Variants in SACM1L observed in about 807,000 individuals in gnomAD.
SACM1L encodes phosphatidylinositol-3-phosphatase SAC1.
A neutral mutation model predicts 89.5 loss-of-function variants in SACM1L; 32 were observed. That is an observed-to-expected ratio of 0.36 (90% CI 0.27 to 0.48). The LOEUF (loss-of-function observed/expected upper bound fraction) is 0.48. Among genes scored for constraint, SACM1L ranks in the 20% least tolerant of loss-of-function variants. The pLI, the probability that SACM1L is intolerant of heterozygous loss-of-function variation, is 0.99. For missense variants in SACM1L, 543 were observed against 708.5 expected (o/e 0.77, Z 2.65); for synonymous variants, 213 against 232.8 (o/e 0.92, Z 0.77).
chr3:45,736,349 GAA>G (rs1403687063), intron 14 of SACM1L, among the ~76,000 whole-genome samples: 1 of 152,170 alleles, frequency 6.6e-6, no homozygotes, highest in Non-Finnish European at 1.5e-5. Context: ...TATTTGGAAT[GAA>G]AAAGATGTAG....
chr3:45,723,640 T>G (rs73058498), intron 11 of SACM1L, 97 bp downstream of exon 11: 31,657 of 423,588 alleles, frequency 0.075, 1,397 homozygotes, highest in Non-Finnish European at 0.095. Flanking sequence ...TACAGTTCAG[T>G]GGCATTAAGT....
chr3:45,694,056 A>T (rs542683323), intron 1 of SACM1L, among the ~76,000 whole-genome samples: 3 of 152,202 alleles, frequency 2.0e-5, no homozygotes, highest in Non-Finnish European at 2.9e-5. Context: ...AATGACATCA[A>T]ATGTGGTTTG....
rs1032344872 is a variant in SACM1L, at chr3:45,738,882, C to T, written c.1569+9C>T. 3.2e-6 allele frequency: 5 copies of T among 1,559,380 alleles called. No homozygotes were observed. The highest frequency in any genetic ancestry group is 4.4e-6 in the Non-Finnish European group (5 of 1,136,358). On this transcript the variant is annotated intron_variant, in intron 18 of 19. Coordinates refer to ENST00000389061, the MANE Select transcript of SACM1L (RefSeq NM_014016.5). ...ACTGGAAATTCCTGGCTGTAAGAAACCATTTTGTATTTTTCAAGTTTTTAA... is the reference window on the plus strand; with the variant it reads ...ACTGGAAATTCCTGGCTGTAAGAAATCATTTTGTATTTTTCAAGTTTTTAA...
At chr3:45,696,061 G>T (rs1007617017) in intron 1 of SACM1L, among the ~76,000 whole-genome samples, 2 of 148,506 alleles carry the variant, frequency 1.3e-5, no homozygotes, top group African/African-American at 5.0e-5. Flanking sequence ...ACAGTGGTGC[G>T]ATCTCGGCCC....
At chr3:45,741,769 C>T (rs1047688190) in intron 19 of SACM1L, among the ~76,000 whole-genome samples, 1 of 152,162 alleles carries the variant, frequency 6.6e-6, no homozygotes, top group African/African-American at 2.4e-5. Context: ...ATATTTTTGT[C>T]TTTATGGATG....
intron 10 of SACM1L, 130 bp from the exon 11 acceptor site, chr3:45,723,345 C>T: frequency 2.8e-6 from 1 of 356,072 alleles, no homozygotes; most frequent in Non-Finnish European, 4.9e-6. Flanking sequence ...AGTTCACATC[C>T]TGACATCTTT....
chr3:45,719,506 C>T lies in SACM1L; in HGVS notation c.584C>T (p.Thr195Ile), dbSNP rs1284210416. 2 of 1,576,546 alleles carry T rather than the reference C, an allele frequency of 1.3e-6. No homozygotes were observed. Among genetic ancestry groups the T allele is most frequent in the Non-Finnish European group, 1.7e-6 (2 of 1,150,996 alleles). The change falls in exon 8 of 20, where the codon ACC (threonine) becomes ATC (isoleucine). Residue 195 changes from threonine to isoleucine, a missense_variant. Around this residue, in one of 2 missense-constraint regions of SACM1L, gnomAD observed 370 missense variants for 527.6 expected, o/e 0.70. Coordinates refer to ENST00000389061, the MANE Select transcript of SACM1L (RefSeq NM_014016.5). ...FALPVLHGFI[T>I]MHSCSINGKY... ...TTTTCTTAATGTGGTTAAGTTATTA[C>T]CATGCATTCATGTTCTATTAATGGA...
Position 45,743,947 on chromosome 3 carries a change from GTAT to G in SACM1L, c.*280_*282del. 1 of 263,272 alleles carries G rather than the reference GTAT, an allele frequency of 3.8e-6. No homozygotes were observed. The highest frequency in any genetic ancestry group is 7.1e-6 in the Non-Finnish European group (1 of 140,504). The allele number at this position is 263,272 out of a possible 1,614,324, so 16.3% of individuals were successfully genotyped here. ...AGAATGGAAGCTGAATCTGTTCATT[GTAT>G]TCTATTGATTGTCAATTTAATTAGC... On this transcript the variant is annotated 3_prime_UTR_variant, in exon 20 of 20. Transcript: ENST00000389061.
chr3:45,719,373 A>G (rs918293650), intron 7 of SACM1L, 127 bp from the exon 8 acceptor site: 1 of 528,370 alleles, frequency 1.9e-6, no homozygotes, highest in Non-Finnish European at 3.3e-6. Flanking sequence ...GTGAATATTC[A>G]TGAAGATTTG....
chr3:45,697,913 A>G (rs1004981521), intron 1 of SACM1L, among the ~76,000 whole-genome samples: 3 of 152,210 alleles, frequency 2.0e-5, no homozygotes, highest in East Asian at 1.9e-4. Flanking sequence ...ATAGATAATG[A>G]CCAAATAATC....
rs74825900 is a variant in SACM1L at position 45,701,136 on chromosome 3, A to G, written c.33-2302A>G. Among the ~76,000 whole-genome samples the G allele has an allele frequency of 2.7e-3, 410 of 152,348 alleles. 4 individuals are homozygous for G. Among genetic ancestry groups the G allele is most frequent in the African/African-American group, 8.6e-3 (359 of 41,580 alleles). ...TTAAATTTTATTAAACCTGGGTTTT[A>G]AAAACATTTCTTTAATTTTTTTTTT... On this transcript the variant is annotated intron_variant, in intron 1 of 19. Coordinates refer to ENST00000389061, the MANE Select transcript of SACM1L (RefSeq NM_014016.5).
intron 7 of SACM1L, among the ~76,000 whole-genome samples, chr3:45,716,758 T>C (rs1208169906): frequency 6.6e-6 from 1 of 152,096 alleles, no homozygotes; most frequent in Admixed American, 6.6e-5. Context: ...TGAAATGCCA[T>C]CCTGGAGAGA....
At chr3:45,696,127 A>G (rs890583743) in intron 1 of SACM1L, among the ~76,000 whole-genome samples, 25 of 151,230 alleles carry the variant, frequency 1.7e-4, no homozygotes, top group African/African-American at 5.3e-4. Context: ...CCTCCTAAGT[A>G]GCTGGGATTT....
At chr3:45,731,615 T>C (rs1699055289) in intron 12 of SACM1L, among the ~76,000 whole-genome samples, 2 of 152,194 alleles carry the variant, frequency 1.3e-5, no homozygotes, top group African/African-American at 4.8e-5. Flanking sequence ...TCATTGAGGC[T>C]TTGTGCTCCA....
At chr3:45,700,975 A>G (rs1370525035) in intron 1 of SACM1L, among the ~76,000 whole-genome samples, 2 of 152,182 alleles carry the variant, frequency 1.3e-5, no homozygotes, top group African/African-American at 2.4e-5. Flanking sequence ...CCCAGCCTCT[A>G]TCTCTTTTTA....
chr3:45,706,119 T>G (rs954117127), intron 3 of SACM1L, among the ~76,000 whole-genome samples: 1 of 152,174 alleles, frequency 6.6e-6, no homozygotes, highest in Non-Finnish European at 1.5e-5. Context: ...GGCAAAACTT[T>G]CAGAGGGGGA....
intron 7 of SACM1L, among the ~76,000 whole-genome samples, chr3:45,718,651 A>C (rs976246449): frequency 2.6e-5 from 4 of 152,180 alleles, no homozygotes; most frequent in Admixed American, 1.3e-4. Context: ...CCCCATACTA[A>C]ATGGGTATTT....
intron 16 of SACM1L, 60 bp downstream of exon 16, chr3:45,737,904 A>C: frequency 7.2e-7 from 1 of 1,388,756 alleles, no homozygotes; most frequent in East Asian, 2.3e-5. Context: ...GGTGCTTTTA[A>C]AAATCACCTG....
At chr3:45,730,114 C>T (rs190988950) in intron 11 of SACM1L, among the ~76,000 whole-genome samples, 2 of 152,060 alleles carry the variant, frequency 1.3e-5, no homozygotes, top group Admixed American at 6.5e-5. Flanking sequence ...TAAGTCTAGT[C>T]TTTGTCTAAT....
Sources: allele counts gnomAD v4.1 joint callset (sites outside exome capture counted in the v4.1 genomes callset), GRCh38; gene constraint gnomAD v4.1.1; regional missense constraint gnomAD v4.1.1; transcripts MANE v1.5; gene names NCBI Gene and HGNC (gene_info 2026-07-23, HGNC 2026-07-21).